PEX5L: variants seen among roughly 807,000 people sequenced by gnomAD.
PEX5L encodes the protein PEX5-related protein.
In PEX5L, 30 loss-of-function variants were observed where a neutral mutation model predicts 84.0. The observed-to-expected ratio is 0.36, with a 90% CI of 0.27 to 0.48. PEX5L has a LOEUF of 0.48. Among genes scored for constraint, PEX5L ranks in the 20% least tolerant of loss-of-function variants. PEX5L has a pLI of 0.99. For synonymous variants in PEX5L, 270 were observed against 283.1 expected (o/e 0.95, Z 0.46); for missense variants, 533 against 754.6 (o/e 0.71, Z 3.44).
At chr3:179,820,447 C>T (rs557017097) in intron 8 of PEX5L, 1 of 154,290 alleles carries the variant, frequency 6.5e-6, no homozygotes, top group African/African-American at 2.4e-5. Context: ...CAGCAGAAAA[C>T]AGAGCCTGGA....
rs1418609332 is a variant in PEX5L, at chr3:179,798,175, G to A, written c.*3653C>T. 6.6e-6 allele frequency: 1 copy of A among 152,176 alleles called. No homozygotes were observed. The highest frequency in any genetic ancestry group is 1.5e-5 in the Non-Finnish European group (1 of 68,032). 9.4% of individuals were successfully genotyped at this position (152,176 alleles called of 1,614,324 possible). A position where few individuals can be genotyped will look rare whatever the true frequency, so the allele number is the denominator to read the frequency against. ...TCTTAAAGAGAAGAATGAGGAAAGT[G>A]GCATGAAACTCTAAAAGTGAGTTTG... is the stretch of plus-strand genomic sequence containing the variant. On this transcript the variant is annotated 3_prime_UTR_variant, in exon 15 of 15. Transcript: ENST00000467460.
chr3:180,032,158 A>G (rs145774132), intron 1 of PEX5L, among the ~76,000 whole-genome samples: 2 of 152,378 alleles, frequency 1.3e-5, no homozygotes, highest in Non-Finnish European at 2.9e-5. Context: ...AATATACAGG[A>G]AGACACTTCA....
chr3:179,995,055 T>C (rs1787742163), intron 1 of PEX5L, among the ~76,000 whole-genome samples: 1 of 148,822 alleles, frequency 6.7e-6, no homozygotes, highest in Admixed American at 6.8e-5. Flanking sequence ...TATATATATA[T>C]GTAGTTATAT....
rs114288408 is a variant in PEX5L, at chr3:179,912,057, C to T, written c.94-13811G>A. 1.4e-3 allele frequency among the ~76,000 whole-genome samples: 219 copies of T among 152,178 alleles called. 1 individual carries two copies. Among genetic ancestry groups the T allele is most frequent in the African/African-American group, 4.9e-3 (202 of 41,524 alleles). ...GGAAAGACTAGAACACTTTGGTGGACTGTTTAGTTCATAAAGGTATTGGAT... is the reference window on the plus strand; with the variant it reads ...GGAAAGACTAGAACACTTTGGTGGATTGTTTAGTTCATAAAGGTATTGGAT... On this transcript the variant is annotated intron_variant, in intron 2 of 14. Coordinates refer to ENST00000467460, the MANE Select transcript of PEX5L (RefSeq NM_016559.3).
At chr3:179,940,802 T>C (rs765057731) in intron 2 of PEX5L, among the ~76,000 whole-genome samples, 3 of 152,214 alleles carry the variant, frequency 2.0e-5, no homozygotes, top group Non-Finnish European at 2.9e-5. Flanking sequence ...ATTGGTACAA[T>C]AGTGTGAACT....
chr3:179,821,087 C>T (rs1728343117), intron 8 of PEX5L, among the ~76,000 whole-genome samples: 2 of 152,118 alleles, frequency 1.3e-5, no homozygotes, highest in Non-Finnish European at 2.9e-5. Flanking sequence ...TAGTGGTCAC[C>T]ATGACAGCCA....
In PEX5L at chr3:179,956,888, T is replaced by C. The variant is rs1780708170; in HGVS notation, c.93+14706A>G. Among the ~76,000 whole-genome samples the C allele has an allele frequency of 2.3e-5, 3 of 132,830 alleles. No individual in the cohort carries two copies. The South Asian group carries it at 8.3e-4, about 37-fold the overall frequency. 87.1% of individuals were successfully genotyped at this position (132,830 alleles called of 152,430 possible). ...AAGTCAGTACGTATATGTCTAATCA[T>C]AGTAATGTACATGATTTTTTTTTGC... On this transcript the variant is annotated intron_variant, in intron 2 of 14. Coordinates refer to ENST00000467460, the MANE Select transcript of PEX5L (RefSeq NM_016559.3).
intron 14 of PEX5L, among the ~76,000 whole-genome samples, chr3:179,802,443 G>A (rs761412751): frequency 1.3e-5 from 2 of 149,074 alleles, no homozygotes; most frequent in Non-Finnish European, 1.5e-5. Context: ...GCTGAGGCAG[G>A]AGAATGGCTT....
At chr3:179,909,333 G>A (rs778119470) in intron 2 of PEX5L, among the ~76,000 whole-genome samples, 34 of 152,132 alleles carry the variant, frequency 2.2e-4, no homozygotes, top group Non-Finnish European at 4.0e-4. Context: ...AAAGAGCAGA[G>A]AGACTTAAAT....
At chr3:179,865,220 A>G (rs1747690258) in intron 7 of PEX5L, among the ~76,000 whole-genome samples, 1 of 152,200 alleles carries the variant, frequency 6.6e-6, no homozygotes, top group African/African-American at 2.4e-5. Context: ...TGTTTAGGGA[A>G]GTGTTATTTT....
chr3:179,981,715 A>G (rs1014625493), intron 1 of PEX5L, among the ~76,000 whole-genome samples: 5 of 152,218 alleles, frequency 3.3e-5, no homozygotes, highest in Admixed American at 6.5e-5. Flanking sequence ...AACTTGGGCT[A>G]ACAGGAAAAA....
intron 3 of PEX5L, among the ~76,000 whole-genome samples, chr3:179,893,939 G>GT (rs1045608397): frequency 1.1e-4 from 17 of 151,434 alleles, no homozygotes; most frequent in Non-Finnish European, 2.1e-4. Flanking sequence ...TTGTGATATG[G>GT]TTTTTTTTGA....
intron 2 of PEX5L, among the ~76,000 whole-genome samples, chr3:179,950,481 G>A (rs1019362734): frequency 2.6e-5 from 4 of 151,446 alleles, no homozygotes; most frequent in African/African-American, 9.7e-5. Context: ...CCTGCACATT[G>A]TGCACATGTA....
intron 2 of PEX5L, among the ~76,000 whole-genome samples, chr3:179,943,460 A>G (rs1209861600): frequency 6.6e-6 from 1 of 152,270 alleles, no homozygotes; most frequent in Non-Finnish European, 1.5e-5. Context: ...TATCCAAAGT[A>G]TTTAAATGTG....
chr3:179,882,703 G>A (rs1226334509), intron 4 of PEX5L, among the ~76,000 whole-genome samples: 1 of 152,124 alleles, frequency 6.6e-6, no homozygotes, highest in Non-Finnish European at 1.5e-5. Flanking sequence ...TATGGTAGGT[G>A]GTGTCTGCTC....
intron 1 of PEX5L, among the ~76,000 whole-genome samples, chr3:180,025,732 T>G (rs1359307284): frequency 6.6e-6 from 1 of 152,220 alleles, no homozygotes; most frequent in African/African-American, 2.4e-5. Flanking sequence ...CTGCCACTAT[T>G]GTGAACAACA....
chr3:179,939,722 A>G (rs759204742), intron 2 of PEX5L, among the ~76,000 whole-genome samples: 1 of 152,164 alleles, frequency 6.6e-6, no homozygotes, highest in Non-Finnish European at 1.5e-5. Context: ...GCATGTTCAT[A>G]AGCCATAAAG....
chr3:179,969,688 A>G (rs1390961269), intron 2 of PEX5L, among the ~76,000 whole-genome samples: 3 of 152,148 alleles, frequency 2.0e-5, no homozygotes, highest in African/African-American at 7.2e-5. Flanking sequence ...ACTCATATTC[A>G]TAATTACTCA....
At chr3:179,898,921 A>G (rs1437932141) in intron 2 of PEX5L, among the ~76,000 whole-genome samples, 1 of 152,152 alleles carries the variant, frequency 6.6e-6, no homozygotes, top group Non-Finnish European at 1.5e-5. Flanking sequence ...CCATAAATAC[A>G]GACATAAAGG....
Sources: gnomAD v4.1 joint callset for allele counts (sites outside exome capture counted in the v4.1 genomes callset) on GRCh38, gnomAD v4.1.1 for gene constraint, MANE v1.5 for transcripts, NCBI Gene and HGNC (gene_info 2026-07-23, HGNC 2026-07-21) for gene names.